KITLG: variants seen among roughly 807,000 people sequenced by gnomAD.
KITLG encodes the protein c-Kit ligand.
In KITLG, 13 loss-of-function variants were observed where a neutral mutation model predicts 34.1. The observed-to-expected ratio is 0.38, with a 90% CI of 0.25 to 0.61. The LOEUF (loss-of-function observed/expected upper bound fraction) is 0.61. Among genes scored for constraint, KITLG ranks in the 20% least tolerant of loss-of-function variants. KITLG has a pLI of 0.60. For missense variants in KITLG, 292 were observed against 318.9 expected, an observed-to-expected ratio of 0.92 and a Z score of 0.64; for synonymous variants, 110 against 104.0, an observed-to-expected ratio of 1.06 and a Z score of -0.35.
At chr12:88,553,445 T>C (rs1289626571) in intron 1 of KITLG, among the ~76,000 whole-genome samples, 2 of 152,182 alleles carry the variant, frequency 1.3e-5, no homozygotes, top group African/African-American at 4.8e-5. Flanking sequence ...ATCTATTTTT[T>C]TTTTCTGTTA....
intron 1 of KITLG, among the ~76,000 whole-genome samples, chr12:88,556,931 T>G (rs1312245358): frequency 6.6e-6 from 1 of 152,168 alleles, no homozygotes; most frequent in Non-Finnish European, 1.5e-5. Flanking sequence ...GGAGCTGACC[T>G]TAATGAGGGC....
At chr12:88,572,272 T>C (rs1169462546) in intron 1 of KITLG, among the ~76,000 whole-genome samples, 1 of 152,054 alleles carries the variant, frequency 6.6e-6, no homozygotes, top group Non-Finnish European at 1.5e-5. Context: ...GAACAGGTCC[T>C]GACATTGTGA....
intron 2 of KITLG, among the ~76,000 whole-genome samples, chr12:88,539,891 C>T (rs967006121): frequency 6.6e-6 from 1 of 151,958 alleles, no homozygotes; most frequent in African/African-American, 2.4e-5. Flanking sequence ...CACCACTGTA[C>T]CCCAGACTGG....
chr12:88,516,405 G>A lies in KITLG; in HGVS notation c.449C>T (p.Ala150Val). The A allele has an allele frequency of 6.2e-7, 1 of 1,609,706 alleles. No individual in the cohort carries two copies. The highest frequency in any genetic ancestry group is 8.5e-7 in the Non-Finnish European group (1 of 1,176,662). ...FFRIFNRSID[A>V]FKDFVVASET... is the part of the protein sequence containing the mutation. ...AGATGCCACTACAAAGTCCTTGAAG[G>A]CATCAATGGATCTATTAAAAATTCT... Residue 150 changes from alanine to valine, a missense_variant, in exon 5 of 10, where the codon GCC becomes GTC. By Grantham distance (64) the Ala-to-Val change is moderately conservative. Coordinates refer to ENST00000644744, the MANE Select transcript of KITLG (RefSeq NM_000899.5).
At chr12:88,505,069 C>T (rs560213086) in intron 9 of KITLG, 90 bp downstream of exon 9, 9 of 665,114 alleles carry the variant, frequency 1.4e-5, no homozygotes, top group East Asian at 3.0e-5. Flanking sequence ...TGTAAACATA[C>T]GTAACAAACC....
chr12:88,580,390 G>T lies in KITLG; in HGVS notation c.-112C>A. The T allele has an allele frequency of 7.9e-7, 1 of 1,266,434 alleles. No individual in the cohort carries two copies. Among genetic ancestry groups the T allele is most frequent in the Non-Finnish European group, 1.1e-6 (1 of 885,444 alleles). 78.4% of individuals were successfully genotyped at this position (1,266,434 alleles called of 1,614,324 possible). On this transcript the variant is annotated 5_prime_UTR_variant, in exon 1 of 10. Coordinates refer to ENST00000644744, the MANE Select transcript of KITLG (RefSeq NM_000899.5). ...AGCGGCGGCAGATAGTCCACGCATT[G>T]GGTAGCCCGAGCGCAGCGCCCTCTC...
chr12:88,515,885 A>G (rs887456668), intron 5 of KITLG, among the ~76,000 whole-genome samples: 8 of 151,884 alleles, frequency 5.3e-5, no homozygotes, highest in African/African-American at 1.9e-4. Flanking sequence ...CATTAAAAAA[A>G]GAAAGCAATG....
chr12:88,522,930 T>C (rs1592845381), intron 3 of KITLG, among the ~76,000 whole-genome samples: 1 of 152,142 alleles, frequency 6.6e-6, no homozygotes, highest in African/African-American at 2.4e-5. Context: ...TTCACAGGAG[T>C]TGGTGAAATA....
At chr12:88,520,202 T>A (rs373393060) in intron 3 of KITLG, among the ~76,000 whole-genome samples, 3 of 152,214 alleles carry the variant, frequency 2.0e-5, no homozygotes, top group Non-Finnish European at 2.9e-5. Flanking sequence ...TTCCAAAGTA[T>A]GTGCAGAACA....
intron 6 of KITLG, among the ~76,000 whole-genome samples, chr12:88,515,327 T>G (rs1040307144): frequency 6.6e-6 from 1 of 151,842 alleles, no homozygotes; most frequent in East Asian, 1.9e-4. Context: ...AGCAGAAAAT[T>G]TATTGGCCTA....
At chr12:88,525,220 T>C (rs1179113128) in intron 3 of KITLG, among the ~76,000 whole-genome samples, 3 of 152,160 alleles carry the variant, frequency 2.0e-5, no homozygotes, top group African/African-American at 7.2e-5. Flanking sequence ...AAGGAAAAAC[T>C]GATAGTTTCC....
intron 9 of KITLG, 123 bp downstream of exon 9, chr12:88,505,036 G>A: frequency 1.8e-6 from 1 of 566,758 alleles, no homozygotes; most frequent in Non-Finnish European, 3.2e-6. Flanking sequence ...GAGTTAATGG[G>A]TGCAGCACAC....
chr12:88,553,875 G>A (rs1218554436), intron 1 of KITLG, among the ~76,000 whole-genome samples: 1 of 152,202 alleles, frequency 6.6e-6, no homozygotes, highest in Non-Finnish European at 1.5e-5. Context: ...GACAGTAGCA[G>A]ACAGTACTAG....
At chr12:88,540,194 AT>A in intron 2 of KITLG, among the ~76,000 whole-genome samples, 1 of 152,114 alleles carries the variant, frequency 6.6e-6, no homozygotes, top group East Asian at 1.9e-4. Context: ...TATTCAGGAA[AT>A]AAAATTCAGT....
intron 3 of KITLG, 28 bp from the exon 4 acceptor site, chr12:88,518,895 C>G: frequency 6.2e-7 from 1 of 1,604,414 alleles, no homozygotes; most frequent in Non-Finnish European, 8.5e-7. Context: ...AGAGACAAAA[C>G]AGCTATTTTA....
In KITLG at chr12:88,580,442, C is replaced by G. The variant is rs12369230; in HGVS notation, c.-164G>C. 1.2e-6 allele frequency: 1 copy of G among 851,374 alleles called. No individual in the cohort carries two copies. The highest frequency in any genetic ancestry group is 1.9e-6 in the Non-Finnish European group (1 of 535,294). 52.7% of individuals were successfully genotyped at this position (851,374 alleles called of 1,614,324 possible). On this transcript the variant is annotated 5_prime_UTR_variant, in exon 1 of 10. Transcript: ENST00000644744. ...ACTGTCCCTGCTTCCCGCAGCGCTT[C>G]TAGTCTCGGCGCGAGGCGGCGAGCG...
At chr12:88,502,744 A>G (rs1868910382) in intron 9 of KITLG, among the ~76,000 whole-genome samples, 1 of 152,170 alleles carries the variant, frequency 6.6e-6, no homozygotes, top group South Asian at 2.1e-4. Flanking sequence ...ATGATTAAAG[A>G]CCTGTGTGCC....
rs907009583 is a variant in KITLG, at chr12:88,545,981, C to T, written c.16-116G>A. ...AGACCAGTCTAATATATGTTATTGGCTTAAATGCAATTAAATATTACGCAT... is the reference window on the plus strand; with the variant it reads ...AGACCAGTCTAATATATGTTATTGGTTTAAATGCAATTAAATATTACGCAT... On this transcript the variant is annotated intron_variant, in intron 1 of 9. Transcript: ENST00000644744. 8.0e-6 allele frequency: 6 copies of T among 752,684 alleles called. No homozygotes were observed. In the African/African-American group the frequency reaches 1.0e-4, roughly 13 times the overall value. 46.6% of individuals were successfully genotyped at this position (752,684 alleles called of 1,614,324 possible).
At chr12:88,560,132 A>G (rs1393749201) in intron 1 of KITLG, among the ~76,000 whole-genome samples, 2 of 152,232 alleles carry the variant, frequency 1.3e-5, no homozygotes, top group African/African-American at 4.8e-5. Context: ...GCAGTTTTGA[A>G]AAGATTACAT....
Sources: gnomAD v4.1 joint callset for allele counts (sites outside exome capture counted in the v4.1 genomes callset) on GRCh38, gnomAD v4.1.1 for gene constraint, MANE v1.5 for transcripts, NCBI Gene and HGNC (gene_info 2026-07-23, HGNC 2026-07-21) for gene names.